Variants in ERMARD observed in about 807,000 individuals in gnomAD.
ERMARD encodes the protein endoplasmic reticulum membrane-associated RNA degradation protein.
Under a neutral mutation model 83.9 loss-of-function variants are expected in ERMARD, and 71 were observed. That is an observed-to-expected ratio of 0.85 (90% CI 0.70 to 1.03). The LOEUF (loss-of-function observed/expected upper bound fraction) is 1.03. Among genes scored for constraint, ERMARD ranks in the 50% least tolerant of loss-of-function variants. ERMARD has a pLI of 0.00. For missense variants in ERMARD, 838 were observed against 810.9 expected (o/e 1.03, Z -0.41); for synonymous variants, 284 against 298.6 (o/e 0.95, Z 0.50).
rs372131535 is a variant in ERMARD at position 169,776,012 on chromosome 6, T to C, written c.1467T>C (p.His489=). 5.0e-6 allele frequency: 8 copies of C among 1,614,132 alleles called. No homozygotes were observed. In the African/African-American group the frequency reaches 1.1e-4, roughly 22 times the overall value. The change falls in exon 15 of 18, where the codon CAT becomes CAC. Residue 489 remains histidine, a synonymous_variant. Transcript: ENST00000366773. ...AAATGACGGATGAGCTGTATCACCA[T>C]ATGCCTGAGAATCGTTGTGTGTTAA... ...ITKMTDELYH[H]MPENRCVLKD...
rs1790825425 is a variant in ERMARD at position 169,756,453 on chromosome 6, C to T, written c.417+14C>T. ...GCCTTGGGTGATGTAAGTGTGAGAA[C>T]TCTTTCATTATTGGCCCATTAAATT... On this transcript the variant is annotated intron_variant, in intron 4 of 17. Transcript: ENST00000366773. 1 of 1,543,932 alleles carries T rather than the reference C, an allele frequency of 6.5e-7. No homozygotes were observed. The highest frequency in any genetic ancestry group is 1.4e-5 in the African/African-American group (1 of 72,888).
chr6:169,768,860 T>A (rs1792542064), intron 11 of ERMARD, among the ~76,000 whole-genome samples: 1 of 152,220 alleles, frequency 6.6e-6, no homozygotes, highest in Non-Finnish European at 1.5e-5. Context: ...CATTTTTTTA[T>A]ATTTTATGAA....
chr6:169,755,300 T>C lies in ERMARD; in HGVS notation c.193T>C (p.Trp65Arg). Residue 65 changes from tryptophan (W) to arginine (R), a missense_variant, in exon 3 of 18, where the codon TGG (tryptophan) becomes CGG (arginine). Physicochemically the swap from Trp to Arg is moderately radical, Grantham distance 101 (BLOSUM62 -3). Transcript: ENST00000366773. ...YTESEQGLDY[W>R]GSVRLLGPVC... ...CCTTTAAGAGCAGGGTCTGGATTAC[T>C]GGGGAAGCGTGAGGCTGCTGGGCCC... is the stretch of plus-strand genomic sequence containing the variant. 1 of 1,614,080 alleles carries C rather than the reference T, an allele frequency of 6.2e-7. No homozygotes were observed. Among genetic ancestry groups the C allele is most frequent in the East Asian group, 2.2e-5 (1 of 44,888 alleles).
intron 15 of ERMARD, 78 bp from the exon 16 acceptor site, chr6:169,776,377 C>T (rs1585419056): frequency 1.9e-6 from 3 of 1,563,682 alleles, no homozygotes; most frequent in Non-Finnish European, 2.6e-6. Context: ...CAGAAAGCCG[C>T]AGCCTTGCAG....
intron 5 of ERMARD, among the ~76,000 whole-genome samples, chr6:169,757,019 C>G (rs1429765650): frequency 6.6e-6 from 1 of 152,114 alleles, no homozygotes; most frequent in Admixed American, 6.6e-5. Context: ...GTGGAGACCC[C>G]TGATAAACCC....
rs57170501 is a variant in ERMARD at position 169,761,673 on chromosome 6, G to GGTTTTGTTTTGTTTTGTTTTGTTTT, written c.858-755_858-731dup. On this transcript the variant is annotated intron_variant, in intron 8 of 17. Coordinates refer to ENST00000366773, the MANE Select transcript of ERMARD (RefSeq NM_018341.3). Reference sequence around the variant, plus strand: ...TGAAACTTTTGTTCTATGTGTAAGTGGTTTTGTTTTGTTTTGTTTTGTTTT... The same window carrying GGTTTTGTTTTGTTTTGTTTTGTTTT: ...TGAAACTTTTGTTCTATGTGTAAGTGGTTTTGTTTTGTTTTGTTTTGTTTTGTTTTGTTTTGTTTTGTTTTGTTTT... 9.3e-5 allele frequency among the ~76,000 whole-genome samples: 14 copies of GGTTTTGTTTTGTTTTGTTTTGTTTT among 151,306 alleles called. No individual in the cohort carries two copies. In the South Asian group the frequency reaches 1.7e-3, roughly 18 times the overall value.
In ERMARD at chr6:169,754,507, C is replaced by A. The variant is rs569030830; in HGVS notation, c.175+475C>A. On this transcript the variant is annotated intron_variant, in intron 2 of 17. Transcript: ENST00000366773. ...GGCCTAGCAGTCCGTTTTCAGGAAT[C>A]CTTAAGACAGATACAGATATGAAAA... is the stretch of plus-strand genomic sequence containing the variant. Among the ~76,000 whole-genome samples the A allele has an allele frequency of 8.5e-5, 13 of 152,232 alleles. No individual in the cohort carries two copies. The South Asian group carries it at 2.7e-3, about 32-fold the overall frequency.
intron 5 of ERMARD, among the ~76,000 whole-genome samples, 196 bp downstream of exon 5, chr6:169,757,004 C>T (rs1057098435): frequency 1.3e-5 from 2 of 152,100 alleles, no homozygotes; most frequent in African/African-American, 4.8e-5. Context: ...GAGGAAGAAG[C>T]AAAAGTGGAG....
At chr6:169,765,691 A>G (rs1046568319) in intron 9 of ERMARD, among the ~76,000 whole-genome samples, 7 of 152,244 alleles carry the variant, frequency 4.6e-5, no homozygotes, top group African/African-American at 1.7e-4. Context: ...ATGTTGAAGA[A>G]TATTGGCAAT....
At chr6:169,779,151 C>T in intron 16 of ERMARD, 31 bp from the exon 17 acceptor site, 2 of 1,566,992 alleles carry the variant, frequency 1.3e-6, no homozygotes, top group Non-Finnish European at 1.8e-6. Flanking sequence ...AACATATCCT[C>T]ACATTTTAAT....
chr6:169,778,609 C>G (rs546838705), intron 16 of ERMARD, among the ~76,000 whole-genome samples: 2 of 152,308 alleles, frequency 1.3e-5, no homozygotes, highest in South Asian at 4.1e-4. Context: ...GGATTCCCCT[C>G]CAGAAAGGTG....
chr6:169,773,221 A>C (rs1793181418), intron 12 of ERMARD, 98 bp from the exon 13 acceptor site: 3 of 926,394 alleles, frequency 3.2e-6, no homozygotes, highest in Non-Finnish European at 5.0e-6. Context: ...TTGAAGAAAG[A>C]TAATGAGAAA....
At chr6:169,766,352 G>T (rs746205114) in intron 9 of ERMARD, among the ~76,000 whole-genome samples, 4 of 152,242 alleles carry the variant, frequency 2.6e-5, no homozygotes, top group Non-Finnish European at 5.9e-5. Context: ...GCAGCGATTT[G>T]TGAGGGCCTG....
chr6:169,761,605 A>G lies in ERMARD; in HGVS notation c.858-824A>G, dbSNP rs140473454. Among the ~76,000 whole-genome samples the G allele has an allele frequency of 4.6e-5, 7 of 152,372 alleles. No homozygotes were observed. In the East Asian group the frequency reaches 1.2e-3, roughly 25 times the overall value. On this transcript the variant is annotated intron_variant, in intron 8 of 17. Coordinates refer to ENST00000366773, the MANE Select transcript of ERMARD (RefSeq NM_018341.3). ...TAGAAGCTACTAAAAATGGTTCATC[A>G]AACATTAAAACACTGGAAAATGTTT...
chr6:169,779,044 G>C, intron 16 of ERMARD, 138 bp from the exon 17 acceptor site: 2 of 777,612 alleles, frequency 2.6e-6, no homozygotes, highest in South Asian at 3.3e-5. Context: ...AGCAGGCATT[G>C]GGCTCTAAGG....
chr6:169,769,478 A>G (rs1296758296), intron 11 of ERMARD, 62 bp from the exon 12 acceptor site: 9 of 1,463,422 alleles, frequency 6.1e-6, no homozygotes, highest in African/African-American at 4.2e-5. Context: ...ATTCAGCAAC[A>G]CCAGGCACGT....
chr6:169,759,866 G>T lies in ERMARD; in HGVS notation c.634G>T (p.Ala212Ser). Residue 212 changes from alanine to serine, a missense_variant, in exon 7 of 18, where the codon GCA becomes TCA. Coordinates refer to ENST00000366773, the MANE Select transcript of ERMARD (RefSeq NM_018341.3). ...KYCSMMILLT[A>S]GLGQLLKSYL... The stretch of plus-strand genomic sequence containing the variant: ...CTGTTCAATGATGATACTGTTGACG[G>T]CAGGATTGGGTCAGTTACTGAAGAG... 2 of 1,614,126 alleles carry T rather than the reference G, an allele frequency of 1.2e-6. No homozygotes were observed. The highest frequency in any genetic ancestry group is 1.7e-6 in the Non-Finnish European group (2 of 1,180,016).
rs752611527 is a variant in ERMARD, at chr6:169,773,371, G to T, written c.1286G>T (p.Arg429Leu). 1.2e-6 allele frequency: 2 copies of T among 1,614,006 alleles called. No homozygotes were observed. Among genetic ancestry groups the T allele is most frequent in the Non-Finnish European group, 8.5e-7 (1 of 1,179,998 alleles). Residue 429 changes from arginine (R) to leucine (L), a missense_variant, in exon 13 of 18, where the codon CGC becomes CTC. Arg to Leu is a moderately radical substitution (Grantham distance 102). Coordinates refer to ENST00000366773, the MANE Select transcript of ERMARD (RefSeq NM_018341.3). Reference protein sequence around the residue: ...LISLAEGYSSRCHPVFQLKKQ... With the variant: ...LISLAEGYSSLCHPVFQLKKQ... ...AGTCTTGCAGAAGGCTATAGTTCTC[G>T]CTGTCATCCGGTTTTTCAGCTTAAA...
At position 169,781,580 on chromosome 6, in the gene ERMARD, G is replaced by C; in HGVS notation, c.*67G>C. On this transcript the variant is annotated 3_prime_UTR_variant, in exon 18 of 18. Coordinates refer to ENST00000366773, the MANE Select transcript of ERMARD (RefSeq NM_018341.3). ...ACAGCGTGTAAATTAAAAACCCAAAGACAGGGTGGAGTTGAGGGTCTGCTT... is the reference window on the plus strand; with the variant it reads ...ACAGCGTGTAAATTAAAAACCCAAACACAGGGTGGAGTTGAGGGTCTGCTT... 3.5e-6 allele frequency: 5 copies of C among 1,438,424 alleles called. No homozygotes were observed. 89.1% of individuals were successfully genotyped at this position (1,438,424 alleles called of 1,614,324 possible). A position where few individuals can be genotyped will look rare whatever the true frequency, so the allele number is the denominator to read the frequency against.
Sources: gnomAD v4.1 joint callset for allele counts (sites outside exome capture counted in the v4.1 genomes callset) on GRCh38, gnomAD v4.1.1 for gene constraint, MANE v1.5 for transcripts, NCBI Gene and HGNC (gene_info 2026-07-23, HGNC 2026-07-21) for gene names.